CNTN6: variants seen among roughly 807,000 people sequenced by gnomAD.
CNTN6 encodes contactin 6, also known as contactin-6.
A neutral mutation model predicts 122.8 loss-of-function variants in CNTN6; 137 were observed. The ratio of observed to expected loss-of-function variants is 1.12; its 90% CI spans 0.97 to 1.29. CNTN6 has a LOEUF of 1.29. Ranked by LOEUF, CNTN6 falls within the 50% of genes most tolerant of loss-of-function variation. The probability of loss-of-function intolerance (pLI) is 0.00; values close to 1 mark genes in which losing one functional copy is unlikely to be tolerated. For synonymous variants in CNTN6, 570 were observed against 426.0 expected (o/e 1.34, Z -4.16); for missense variants, 1,634 against 1,223.4 (o/e 1.34, Z -5.01).
intron 1 of CNTN6, among the ~76,000 whole-genome samples, chr3:1,102,047 C>T (rs1053826739): frequency 5.3e-5 from 8 of 151,968 alleles, no homozygotes; most frequent in African/African-American, 1.7e-4. Flanking sequence ...TCTTTTAAGG[C>T]GGGAAGGAGA....
intron 7 of CNTN6, among the ~76,000 whole-genome samples, chr3:1,316,850 A>G (rs17037572): frequency 0.028 from 4,313 of 152,020 alleles, 223 homozygotes; most frequent in African/African-American, 0.098. Flanking sequence ...CCCACTGTCC[A>G]TTTAGGATGG....
chr3:1,303,889 C>T (rs1697872559), intron 7 of CNTN6, among the ~76,000 whole-genome samples: 1 of 152,078 alleles, frequency 6.6e-6, no homozygotes, highest in South Asian at 2.1e-4. Context: ...AATGAAATCC[C>T]CAACTGAATG....
chr3:1,340,188 A>G (rs1703682289), intron 11 of CNTN6, among the ~76,000 whole-genome samples: 1 of 152,152 alleles, frequency 6.6e-6, no homozygotes, highest in African/African-American at 2.4e-5. Context: ...ATAATCTTAA[A>G]CACAACACTG....
chr3:1,104,327 A>G (rs1364894185), intron 1 of CNTN6, among the ~76,000 whole-genome samples: 1 of 152,156 alleles, frequency 6.6e-6, no homozygotes. Context: ...ATATTTACTA[A>G]GAATAATAAT....
intron 4 of CNTN6, among the ~76,000 whole-genome samples, chr3:1,245,091 CAAAA>C (rs1268585171): frequency 1.4e-5 from 2 of 144,116 alleles, no homozygotes. Flanking sequence ...AGAGGCCTGA[CAAAA>C]AATCTTTGCA....
rs1341736547 is a variant in CNTN6, at chr3:1,205,827, C to CT, written c.56-14858dup. Among the ~76,000 whole-genome samples the CT allele has an allele frequency of 2.6e-5, 4 of 152,108 alleles. No homozygotes were observed. In the East Asian group the frequency reaches 7.7e-4, roughly 29 times the overall value. ...AATGTATAAATAGATGCAGAACAGG[C>CT]TTACCATGGGTAAATTGGATGGTAT... On this transcript the variant is annotated intron_variant, in intron 2 of 22. Coordinates refer to ENST00000446702, the MANE Select transcript of CNTN6 (RefSeq NM_001289080.2).
chr3:1,123,844 G>C (rs959181871), intron 1 of CNTN6, among the ~76,000 whole-genome samples: 2 of 151,944 alleles, frequency 1.3e-5, no homozygotes, highest in East Asian at 3.9e-4. Flanking sequence ...CCTTTATTTT[G>C]AGAAAGTTTC....
At chr3:1,244,783 A>C (rs2094537390) in intron 4 of CNTN6, among the ~76,000 whole-genome samples, 1 of 151,986 alleles carries the variant, frequency 6.6e-6, no homozygotes, top group Non-Finnish European at 1.5e-5. Context: ...ATGGAAAATT[A>C]CAGTCAAAGG....
rs552930424 is a variant in CNTN6 at position 1,349,055 on chromosome 3, G to C, written c.1365-3269G>C. Among the ~76,000 whole-genome samples the C allele has an allele frequency of 2.6e-5, 4 of 152,024 alleles. No homozygotes were observed. In the East Asian group the frequency reaches 7.7e-4, roughly 29 times the overall value. On this transcript the variant is annotated intron_variant, in intron 11 of 22. Transcript: ENST00000446702. ...TTCAAACACAGTAGACATTTAGAAA[G>C]TATTTGCTGATTAAGAAGGAAAAAA...
In CNTN6 at chr3:1,383,085, A is replaced by ACTGT; in HGVS notation, c.2313_2316dup (p.Pro773ValfsTer4). 6.2e-7 allele frequency: 1 copy of ACTGT among 1,614,038 alleles called. No individual in the cohort carries two copies. The highest frequency in any genetic ancestry group is 8.5e-7 in the Non-Finnish European group (1 of 1,179,920). On this transcript the variant is annotated frameshift_variant, in exon 18 of 23. Coordinates refer to ENST00000446702, the MANE Select transcript of CNTN6 (RefSeq NM_001289080.2). LOFTEE classifies it high-confidence loss of function. ...TCTACAGAAATGAAAGCATCATCCC[A>ACTGT]CTGTCTCCCTTTGAAGTCAAAGTGG... is the stretch of plus-strand genomic sequence containing the variant.
chr3:1,327,284 A>G (rs1701668674), intron 9 of CNTN6, among the ~76,000 whole-genome samples, 173 bp from the exon 10 acceptor site: 1 of 151,868 alleles, frequency 6.6e-6, no homozygotes, highest in Admixed American at 6.6e-5. Context: ...AAATTATCCT[A>G]AACATATTTT....
chr3:1,173,269 T>C (rs1453935932), intron 2 of CNTN6: 1 of 456,694 alleles, frequency 2.2e-6, no homozygotes. Flanking sequence ...CATTTGGAAA[T>C]CTACCTCTTA....
At chr3:1,133,925 A>G (rs1390783759) in intron 1 of CNTN6, among the ~76,000 whole-genome samples, 2 of 152,170 alleles carry the variant, frequency 1.3e-5, no homozygotes, top group East Asian at 1.9e-4. Context: ...GGATCTCACT[A>G]CAGCCCTTCC....
chr3:1,387,968 G>T (rs544663783), intron 20 of CNTN6, among the ~76,000 whole-genome samples: 1 of 152,058 alleles, frequency 6.6e-6, no homozygotes, highest in African/African-American at 2.4e-5. Flanking sequence ...ACTGCAAGGC[G>T]GCAGCGAGGC....
Position 1,385,722 on chromosome 3 carries a change from G to A in CNTN6, c.2629G>A (p.Ala877Thr). 8 of 1,614,100 alleles carry A rather than the reference G, an allele frequency of 5.0e-6. No homozygotes were observed. The highest frequency in any genetic ancestry group is 6.8e-6 in the Non-Finnish European group (8 of 1,179,992). ...TGLKANTIYF[A>T]SVRAYNTAGT... ...GCTGAAAGCTAATACCATCTACTTT[G>A]CTTCCGTAAGAGCTTACAACACTGC... The change falls in exon 20 of 23, where the codon GCT (alanine) becomes ACT (threonine). Residue 877 changes from alanine (A) to threonine (T), a missense_variant. Transcript: ENST00000446702.
chr3:1,327,315 G>T, intron 9 of CNTN6, 142 bp from the exon 10 acceptor site: 1 of 868,144 alleles, frequency 1.2e-6, no homozygotes, highest in South Asian at 2.1e-5. Context: ...ACTTAAAAAT[G>T]CTGCTCAGAA....
intron 4 of CNTN6, among the ~76,000 whole-genome samples, chr3:1,261,413 T>C (rs1308070645): frequency 6.6e-6 from 1 of 152,118 alleles, no homozygotes; most frequent in Non-Finnish European, 1.5e-5. Context: ...CCCCTACAGC[T>C]ATCAAGCACA....
intron 2 of CNTN6, among the ~76,000 whole-genome samples, chr3:1,184,502 A>T (rs923258970): frequency 6.6e-6 from 1 of 152,164 alleles, no homozygotes; most frequent in Non-Finnish European, 1.5e-5. Flanking sequence ...TATCATAAAA[A>T]TGCCTCTCTT....
intron 4 of CNTN6, among the ~76,000 whole-genome samples, chr3:1,249,586 A>G (rs1443679620): frequency 6.6e-6 from 1 of 152,222 alleles, no homozygotes; most frequent in Non-Finnish European, 1.5e-5. Context: ...CTCCATCTAT[A>G]GACGTGATTT....
Sources: gnomAD v4.1 joint callset for allele counts (sites outside exome capture counted in the v4.1 genomes callset) on GRCh38, gnomAD v4.1.1 for gene constraint, MANE v1.5 for transcripts, NCBI Gene and HGNC (gene_info 2026-07-23, HGNC 2026-07-21) for gene names.